The following ITGAV variants were observed in gnomAD, a reference collection of about 807,000 sequenced individuals.
ITGAV encodes integrin subunit alpha V, also known as integrin alpha-V.
ITGAV carries 76 observed loss-of-function variants against 143.8 expected under a neutral mutation model. That is an observed-to-expected ratio of 0.53 (90% CI 0.44 to 0.64). The LOEUF (loss-of-function observed/expected upper bound fraction) is 0.64. Ranked by LOEUF, ITGAV falls within the 30% of genes least tolerant of loss-of-function variation. ITGAV has a pLI of 0.00. For missense variants in ITGAV, 1,193 were observed against 1,274.7 expected (o/e 0.94, Z 0.98); for synonymous variants, 453 against 446.7 (o/e 1.01, Z -0.18).
intron 12 of ITGAV, among the ~76,000 whole-genome samples, chr2:186,642,605 G>A (rs1574485663): frequency 6.7e-6 from 1 of 149,548 alleles, no homozygotes; most frequent in Non-Finnish European, 1.5e-5. Context: ...TGCAATCATG[G>A]CTCACTGCAG....
chr2:186,597,811 C>T (rs929762008), intron 1 of ITGAV, among the ~76,000 whole-genome samples: 18 of 152,114 alleles, frequency 1.2e-4, no homozygotes, highest in Non-Finnish European at 1.5e-5. Flanking sequence ...GTGAAGTGTG[C>T]ATGCAAGGGA....
chr2:186,607,410 A>G (rs1687097628), intron 2 of ITGAV, among the ~76,000 whole-genome samples: 1 of 152,148 alleles, frequency 6.6e-6, no homozygotes, highest in Admixed American at 6.5e-5. Flanking sequence ...CCCATAAAAC[A>G]TAAGGAGAAT....
chr2:186,625,396 T>G, intron 3 of ITGAV, 77 bp from the exon 4 acceptor site: 1 of 822,594 alleles, frequency 1.2e-6, no homozygotes, highest in Non-Finnish European at 2.0e-6. Flanking sequence ...GGTATTATAT[T>G]CTGAAGTAGT....
Position 186,678,877 on chromosome 2 carries a change from A to G in ITGAV, c.*1585A>G, listed in dbSNP as rs201163584. ...AAAAATGATTGAAATTTATCTTGCC[A>G]TATCTCATAATTTCATGCACAAGTT... is the stretch of plus-strand genomic sequence containing the variant. On this transcript the variant is annotated 3_prime_UTR_variant, in exon 30 of 30. Coordinates refer to ENST00000261023, the MANE Select transcript of ITGAV (RefSeq NM_002210.5). 54 of 379,894 alleles carry G rather than the reference A, an allele frequency of 1.4e-4. No homozygotes were observed. Among genetic ancestry groups the G allele is most frequent in the Non-Finnish European group, 2.0e-4 (39 of 194,876 alleles). The allele number at this position is 379,894 out of a possible 1,614,324, so 23.5% of individuals were successfully genotyped here.
chr2:186,652,802 C>T (rs1688473102), intron 15 of ITGAV, among the ~76,000 whole-genome samples: 1 of 151,966 alleles, frequency 6.6e-6, no homozygotes, highest in African/African-American at 2.4e-5. Flanking sequence ...TATTCCTTTA[C>T]TAGTTTCCAA....
At chr2:186,633,399 A>T (rs532998598) in intron 6 of ITGAV, 25 bp downstream of exon 6, 10 of 1,448,412 alleles carry the variant, frequency 6.9e-6, no homozygotes, top group Non-Finnish European at 8.7e-6. Flanking sequence ...TTTAAATTAC[A>T]ATTGGTGACT....
rs1280838410 is a variant in ITGAV, at chr2:186,676,874, T to G, written c.2990T>G (p.Ile997Ser). The G allele has an allele frequency of 1.2e-6, 2 of 1,613,986 alleles. No individual in the cohort carries two copies. Among genetic ancestry groups the G allele is most frequent in the Non-Finnish European group, 1.7e-6 (2 of 1,179,978 alleles). The change falls in exon 29 of 30, where the codon ATC becomes AGC. Residue 997 changes from isoleucine (I) to serine (S), a missense_variant. Transcript: ENST00000261023. ...PAPMPVPVWV[I>S]ILAVLAGLLL... is the part of the protein sequence containing the mutation. Reference sequence around the variant, plus strand: ...CCCATGCCTGTGCCTGTGTGGGTGATCATTTTAGCAGTTCTAGCAGGATTG... The same window carrying G: ...CCCATGCCTGTGCCTGTGTGGGTGAGCATTTTAGCAGTTCTAGCAGGATTG...
Position 186,663,806 on chromosome 2 carries a change from T to C in ITGAV, c.1896T>C (p.Cys632=), listed in dbSNP as rs1683485252. The C allele has an allele frequency of 6.2e-7, 1 of 1,613,000 alleles. No homozygotes were observed. Among genetic ancestry groups the C allele is most frequent in the African/African-American group, 1.3e-5 (1 of 74,908 alleles). The stretch of plus-strand genomic sequence containing the variant: ...TTGACTGTGGTGAAGACAATGTCTG[T>C]AAACCCAAGCTGGAAGTTTCTGTAG... The part of the protein sequence containing the change: ...ILLDCGEDNV[C]KPKLEVSVDS... Residue 632 remains cysteine (C), a synonymous_variant, in exon 19 of 30, where the codon TGT becomes TGC. Transcript: ENST00000261023.
At chr2:186,645,737 G>T (rs1479593373) in intron 12 of ITGAV, among the ~76,000 whole-genome samples, 1 of 152,168 alleles carries the variant, frequency 6.6e-6, no homozygotes, top group Non-Finnish European at 1.5e-5. Context: ...GGAGGCCGAG[G>T]TGTGTGGATC....
At chr2:186,630,649 A>G (rs1178267689) in intron 4 of ITGAV, 148 bp from the exon 5 acceptor site, 5 of 559,886 alleles carry the variant, frequency 8.9e-6, no homozygotes, top group Non-Finnish European at 1.7e-5. Context: ...CTCTCTTGGA[A>G]TGTGGTAATA....
intron 1 of ITGAV, among the ~76,000 whole-genome samples, chr2:186,597,342 G>A (rs1426614996): frequency 6.6e-6 from 1 of 152,208 alleles, no homozygotes; most frequent in African/African-American, 2.4e-5. Context: ...ATTGTTTTAA[G>A]GGTAATTTAA....
chr2:186,646,344 A>G (rs553124966), intron 12 of ITGAV, among the ~76,000 whole-genome samples: 119 of 152,270 alleles, frequency 7.8e-4, no homozygotes, highest in African/African-American at 2.4e-3. Context: ...TTAATGAGGA[A>G]GCATTTGTGG....
chr2:186,622,267 G>A (rs1687548987), intron 2 of ITGAV, 72 bp from the exon 3 acceptor site: 1 of 1,025,218 alleles, frequency 9.8e-7, no homozygotes, highest in Non-Finnish European at 1.5e-6. Flanking sequence ...CAACCTAGCT[G>A]GGGATAAAAA....
chr2:186,628,545 A>G (rs1400085901), intron 4 of ITGAV, among the ~76,000 whole-genome samples: 1 of 152,088 alleles, frequency 6.6e-6, no homozygotes, highest in Non-Finnish European at 1.5e-5. Context: ...GGGGAAATTA[A>G]GTAACTTGAC....
intron 18 of ITGAV, among the ~76,000 whole-genome samples, chr2:186,659,421 T>C (rs1207140990): frequency 6.6e-6 from 1 of 152,074 alleles, no homozygotes; most frequent in East Asian, 1.9e-4. Context: ...ACATTTCATA[T>C]ACATGAAATA....
At chr2:186,646,903 C>T (rs761466974) in intron 13 of ITGAV, 26 bp downstream of exon 13, 7 of 1,484,510 alleles carry the variant, frequency 4.7e-6, no homozygotes, top group Non-Finnish European at 9.1e-7. Flanking sequence ...CACATAGAGC[C>T]CTTAGATTTT....
Position 186,611,916 on chromosome 2 carries a change from A to T in ITGAV, c.316+9765A>T, listed in dbSNP as rs568397025. The stretch of plus-strand genomic sequence containing the variant: ...TGAGATCCCATATCTGATTTTTTTT[A>T]AAAAAGGTAATGTCTATGAAGGTAT... On this transcript the variant is annotated intron_variant, in intron 2 of 29. Coordinates refer to ENST00000261023, the MANE Select transcript of ITGAV (RefSeq NM_002210.5). Among the ~76,000 whole-genome samples the T allele has an allele frequency of 2.7e-3, 417 of 152,052 alleles. 2 individuals are homozygous for T. Among genetic ancestry groups the T allele is most frequent in the Non-Finnish European group, 4.4e-3 (301 of 67,992 alleles).
chr2:186,654,768 A>C, intron 16 of ITGAV, 60 bp downstream of exon 16: 2 of 709,034 alleles, frequency 2.8e-6, no homozygotes, highest in Admixed American at 2.5e-5. Flanking sequence ...GCACTTAAAA[A>C]ATATTTTAAG....
rs201700373 is a variant in ITGAV at position 186,680,219 on chromosome 2, A to C, written c.*2927A>C. ...TTCTTGGATAGCTTGTATATGTAGT[A>C]GTTTGATGAATAATTTAAAGAAAAA... On this transcript the variant is annotated 3_prime_UTR_variant, in exon 30 of 30. Transcript: ENST00000261023. 1.3e-3 allele frequency: 191 copies of C among 152,210 alleles called. 2 individuals carry two copies. Among genetic ancestry groups the C allele is most frequent in the Admixed American group, 0.013 (191 of 15,268 alleles). The allele number at this position is 152,210 out of a possible 1,614,324, so 9.4% of individuals were successfully genotyped here. A position where few individuals can be genotyped will look rare whatever the true frequency, so the allele number is the denominator to read the frequency against.
Sources: allele counts gnomAD v4.1 joint callset (sites outside exome capture counted in the v4.1 genomes callset), GRCh38; gene constraint gnomAD v4.1.1; transcripts MANE v1.5; gene names NCBI Gene and HGNC (gene_info 2026-07-23, HGNC 2026-07-21).